CARS1: variants seen among roughly 807,000 people sequenced by gnomAD.
CARS1 encodes cysteinyl-tRNA synthetase 1.
In CARS1, 48 loss-of-function variants were observed where a neutral mutation model predicts 106.2. The observed-to-expected ratio is 0.45, with a 90% CI of 0.36 to 0.57. CARS1 has a LOEUF of 0.57. Ranked by LOEUF, CARS1 falls within the 20% of genes least tolerant of loss-of-function variation. CARS1 has a pLI of 0.00. For missense variants in CARS1, 968 were observed against 1,057.2 expected (o/e 0.92, Z 1.17); for synonymous variants, 409 against 403.4 (o/e 1.01, Z -0.17).
rs4758459 is a variant in CARS1, at chr11:3,017,489, T to A, written c.1728-194A>T. On this transcript the variant is annotated intron_variant, in intron 15 of 22. Coordinates refer to ENST00000380525, the MANE Select transcript of CARS1 (RefSeq NM_001014437.3). The surrounding 1 kb of genome is among the most constrained non-coding windows in gnomAD (Gnocchi z 4.9). ...GAGACCCCCACCTCTACTAAAAATC[T>A]GAAATTAGCCAGGTATGGTGGCGCA... The A allele has an allele frequency of 0.81, 466,617 of 578,772 alleles. 188,530 individuals are homozygous for A. The highest frequency in any genetic ancestry group is 0.89 in the East Asian group (31,679 of 35,550). The allele number at this position is 578,772 out of a possible 1,614,324, so 35.9% of individuals were successfully genotyped here.
chr11:3,057,281 G>A (rs1195764223), intron 1 of CARS1, 62 bp downstream of exon 1: 4 of 1,466,364 alleles, frequency 2.7e-6, no homozygotes, highest in Non-Finnish European at 3.8e-6. Flanking sequence ...CCTTCGAGCC[G>A]AGCACCCAGC....
rs781761299 is a variant in CARS1, at chr11:3,015,812, A to T, written c.1955T>A (p.Phe652Tyr). ...GAVEEDSSLG[F>Y]PVGGPGTSLS... ...GCTGGTTCCAGGCCCTCCGACCGGG[A>T]ATCCCAGGGAGCTGTCCTCTTCTAC... Residue 652 changes from phenylalanine (F) to tyrosine (Y), a missense_variant, in exon 17 of 23, where the codon TTC becomes TAC. Coordinates refer to ENST00000380525, the MANE Select transcript of CARS1 (RefSeq NM_001014437.3). 318 of 1,614,168 alleles carry T rather than the reference A, an allele frequency of 2.0e-4. 1 individual carries two copies. The Middle Eastern group carries it at 9.7e-3, about 49-fold the overall frequency.
chr11:3,039,777 T>C lies in CARS1; in HGVS notation c.552+58A>G, dbSNP rs1161855479. On this transcript the variant is annotated intron_variant, in intron 5 of 22. Coordinates refer to ENST00000380525, the MANE Select transcript of CARS1 (RefSeq NM_001014437.3). This position sits in a 1 kb window ranked among gnomAD's most constrained non-coding sequence, Gnocchi z 5.6. ...ACATTATTTACTTATGCGAAAGTTC[T>C]ATCTTCTTTTACACCATCCAATTGC... The C allele has an allele frequency of 2.3e-6, 2 of 858,922 alleles. No individual in the cohort carries two copies. The highest frequency in any genetic ancestry group is 1.8e-6 in the Non-Finnish European group (1 of 545,170). The allele number at this position is 858,922 out of a possible 1,614,324, so 53.2% of individuals were successfully genotyped here.
Position 3,028,650 on chromosome 11 carries a change from A to G in CARS1, c.1031+346T>C, listed in dbSNP as rs1852368522. 2.9e-6 allele frequency: 1 copy of G among 343,510 alleles called. No individual in the cohort carries two copies. Among genetic ancestry groups the G allele is most frequent in the East Asian group, 5.2e-5 (1 of 19,320 alleles). The allele number at this position is 343,510 out of a possible 1,614,324, so 21.3% of individuals were successfully genotyped here. A position where few individuals can be genotyped will look rare whatever the true frequency, so the allele number is the denominator to read the frequency against. On this transcript the variant is annotated intron_variant, in intron 9 of 22. Transcript: ENST00000380525. The surrounding 1 kb of genome is among the most constrained non-coding windows in gnomAD (Gnocchi z 4.4). ...TTCGGGATATGACACCAGGACTAGC[A>G]CTCTCAAAATGTCTACGCAATGGCA...
At position 3,037,740 on chromosome 11, in the gene CARS1, A is replaced by G. The variant is rs1360223409; in HGVS notation, c.801+310T>C. ...GGAGAATCTTGGAACACTTCGACAGAAGGCTGCCTCCCCACGTTCCAAGTG... is the reference window on the plus strand; with the variant it reads ...GGAGAATCTTGGAACACTTCGACAGGAGGCTGCCTCCCCACGTTCCAAGTG... On this transcript the variant is annotated intron_variant, in intron 7 of 22. Coordinates refer to ENST00000380525, the MANE Select transcript of CARS1 (RefSeq NM_001014437.3). The surrounding 1 kb of genome is among the most constrained non-coding windows in gnomAD (Gnocchi z 5.9). Among the ~76,000 whole-genome samples the G allele has an allele frequency of 1.3e-5, 2 of 152,138 alleles. No individual in the cohort carries two copies. The highest frequency in any genetic ancestry group is 4.8e-5 in the African/African-American group (2 of 41,436).
At position 3,021,972 on chromosome 11, in the gene CARS1, A is replaced by C. The variant is rs1851609496; in HGVS notation, c.1154-1640T>G. On this transcript the variant is annotated intron_variant, in intron 10 of 22. Coordinates refer to ENST00000380525, the MANE Select transcript of CARS1 (RefSeq NM_001014437.3). This position sits in a 1 kb window ranked among gnomAD's most constrained non-coding sequence, Gnocchi z 5.3. ...TCTGATTTTTTAAAAATACGCTTTGAAAAAATTGATAACAGAGAACACAGG... is the reference window on the plus strand; with the variant it reads ...TCTGATTTTTTAAAAATACGCTTTGCAAAAATTGATAACAGAGAACACAGG... Among the ~76,000 whole-genome samples the C allele has an allele frequency of 6.6e-6, 1 of 152,208 alleles. No individual in the cohort carries two copies. The highest frequency in any genetic ancestry group is 2.4e-5 in the African/African-American group (1 of 41,450).
intron 1 of CARS1, 81 bp downstream of exon 1, chr11:3,057,262 A>G (rs1856310327): frequency 1.6e-6 from 2 of 1,241,654 alleles, no homozygotes; most frequent in African/African-American, 3.0e-5. Context: ...AGACATAAGG[A>G]CTCGCTGCCC....
At position 3,028,623 on chromosome 11, in the gene CARS1, C is replaced by T; in HGVS notation, c.1031+373G>A. ...GATAGATGCTGATGAAATGCATCCT[C>T]CTTCGGGATATGACACCAGGACTAG... On this transcript the variant is annotated intron_variant, in intron 9 of 22. Coordinates refer to ENST00000380525, the MANE Select transcript of CARS1 (RefSeq NM_001014437.3). This position sits in a 1 kb window ranked among gnomAD's most constrained non-coding sequence, Gnocchi z 4.4. The T allele has an allele frequency of 3.3e-6, 1 of 300,920 alleles. No homozygotes were observed. The highest frequency in any genetic ancestry group is 6.1e-6 in the Non-Finnish European group (1 of 164,788). The allele number at this position is 300,920 out of a possible 1,614,324, so 18.6% of individuals were successfully genotyped here.
In CARS1 at chr11:3,034,267, C is replaced by G. The variant is rs1482826919; in HGVS notation, c.801+3783G>C. On this transcript the variant is annotated intron_variant, in intron 7 of 22. Transcript: ENST00000380525. This position sits in a 1 kb window ranked among gnomAD's most constrained non-coding sequence, Gnocchi z 6.3. ...AGACAGTCTCACTCTGTTTCCCAGG[C>G]TGGAATGCAGTGGCGTGATCTCGGC... Among the ~76,000 whole-genome samples the G allele has an allele frequency of 1.3e-5, 2 of 152,110 alleles. No individual in the cohort carries two copies. Among genetic ancestry groups the G allele is most frequent in the Admixed American group, 1.3e-4 (2 of 15,276 alleles).
Position 3,003,758 on chromosome 11 carries a change from TC to T in CARS1, c.2218-1159del, listed in dbSNP as rs1285256867. ...CACAGTGCTCAGGATTTCTGCTTTT[TC>T]CCTTTAAAAGTTAGTATGTGTTTAT... On this transcript the variant is annotated intron_variant, in intron 20 of 22. Coordinates refer to ENST00000380525, the MANE Select transcript of CARS1 (RefSeq NM_001014437.3). This position sits in a 1 kb window ranked among gnomAD's most constrained non-coding sequence, Gnocchi z 4.8. Among the ~76,000 whole-genome samples the T allele has an allele frequency of 6.6e-6, 1 of 152,164 alleles. No individual in the cohort carries two copies. The highest frequency in any genetic ancestry group is 2.4e-5 in the African/African-American group (1 of 41,438).
At chr11:3,016,524 G>T (rs1329133570) in intron 16 of CARS1, among the ~76,000 whole-genome samples, 1 of 152,038 alleles carries the variant, frequency 6.6e-6, no homozygotes, top group Non-Finnish European at 1.5e-5. Flanking sequence ...CGCCTGGCGT[G>T]GTTTTGCTTT....
At position 3,029,202 on chromosome 11, in the gene CARS1, T is replaced by C; in HGVS notation, c.942+101A>G. On this transcript the variant is annotated intron_variant, in intron 8 of 22. Transcript: ENST00000380525. The surrounding 1 kb of genome is among the most constrained non-coding windows in gnomAD (Gnocchi z 5.9). Reference sequence around the variant, plus strand: ...TATGCCCCTCAACTCAAGTTCAATGTTGACTTGGCCGCTTAATTGAGCTGG... The same window carrying C: ...TATGCCCCTCAACTCAAGTTCAATGCTGACTTGGCCGCTTAATTGAGCTGG... The C allele has an allele frequency of 6.7e-7, 1 of 1,488,192 alleles. No individual in the cohort carries two copies. The highest frequency in any genetic ancestry group is 9.3e-7 in the Non-Finnish European group (1 of 1,070,036). The allele number at this position is 1,488,192 out of a possible 1,614,324, so 92.2% of individuals were successfully genotyped here. A position where few individuals can be genotyped will look rare whatever the true frequency, so the allele number is the denominator to read the frequency against.
rs1172165566 is a variant in CARS1, at chr11:3,004,951, T to C, written c.2217+415A>G. Among the ~76,000 whole-genome samples, 1 of 151,852 alleles carries C rather than the reference T, an allele frequency of 6.6e-6. No homozygotes were observed. The highest frequency in any genetic ancestry group is 1.5e-5 in the Non-Finnish European group (1 of 67,954). Reference sequence around the variant, plus strand: ...TGAAACCCCATCTCTACTAAAAAAATACAAAAATTAGCTGGGCACAGTGGT... The same window carrying C: ...TGAAACCCCATCTCTACTAAAAAAACACAAAAATTAGCTGGGCACAGTGGT... On this transcript the variant is annotated intron_variant, in intron 20 of 22. Coordinates refer to ENST00000380525, the MANE Select transcript of CARS1 (RefSeq NM_001014437.3). The surrounding 1 kb of genome is among the most constrained non-coding windows in gnomAD (Gnocchi z 5.2).
At chr11:3,006,723 C>T (rs369225234) in intron 19 of CARS1, among the ~76,000 whole-genome samples, 156 bp downstream of exon 19, 6 of 152,314 alleles carry the variant, frequency 3.9e-5, no homozygotes, top group African/African-American at 1.2e-4. Context: ...GGCTGGCCAG[C>T]GTGGGAATGG....
Position 3,048,048 on chromosome 11 carries a change from C to T in CARS1, c.26-47G>A. 6.3e-7 allele frequency: 1 copy of T among 1,591,384 alleles called. No homozygotes were observed. Among genetic ancestry groups the T allele is most frequent in the Non-Finnish European group, 8.6e-7 (1 of 1,166,328 alleles). On this transcript the variant is annotated intron_variant, in intron 1 of 22. Transcript: ENST00000380525. The surrounding 1 kb of genome is among the most constrained non-coding windows in gnomAD (Gnocchi z 5.1). ...GGTGTCAGGCAGGCAGGCGGGCAGC[C>T]CAGAGGCCGCCAGAAAGACAGGGAC...
In CARS1 at chr11:3,029,074, G is replaced by A; in HGVS notation, c.953C>T (p.Pro318Leu). 6.2e-7 allele frequency: 1 copy of A among 1,612,074 alleles called. No homozygotes were observed. The highest frequency in any genetic ancestry group is 8.5e-7 in the Non-Finnish European group (1 of 1,178,138). Residue 318 changes from proline (P) to leucine (L), a missense_variant, in exon 9 of 23, where the codon CCA becomes CTA. Transcript: ENST00000380525. This position sits in a 1 kb window ranked among gnomAD's most constrained non-coding sequence, Gnocchi z 5.9. Reference sequence around the variant, plus strand: ...CTCACTAACCCGGGTTAAGACATCTGGAGGGAGAACCTGTGCAAGACATGA... The same window carrying A: ...CTCACTAACCCGGGTTAAGACATCTAGAGGGAGAACCTGTGCAAGACATGA... The part of the protein sequence containing the change: ...RDMEALNVLP[P>L]DVLTRVSEYV...
In CARS1 at chr11:3,029,207, T is replaced by G. The variant is rs1852433654; in HGVS notation, c.942+96A>C. The G allele has an allele frequency of 6.7e-7, 1 of 1,494,078 alleles. No individual in the cohort carries two copies. The highest frequency in any genetic ancestry group is 1.7e-5 in the Admixed American group (1 of 58,246). 92.6% of individuals were successfully genotyped at this position (1,494,078 alleles called of 1,614,324 possible). ...CCCTCAACTCAAGTTCAATGTTGACTTGGCCGCTTAATTGAGCTGGCCTTG... is the reference window on the plus strand; with the variant it reads ...CCCTCAACTCAAGTTCAATGTTGACGTGGCCGCTTAATTGAGCTGGCCTTG... On this transcript the variant is annotated intron_variant, in intron 8 of 22. Coordinates refer to ENST00000380525, the MANE Select transcript of CARS1 (RefSeq NM_001014437.3). This position sits in a 1 kb window ranked among gnomAD's most constrained non-coding sequence, Gnocchi z 5.9.
In CARS1 at chr11:3,037,770, TCCTGC is replaced by T; in HGVS notation, c.801+275_801+279del. ...TGCCTCCCCACGTTCCAAGTGCACC[TCCTGC>T]CTATCTGATGGAAGTGGTGGGAGGG... On this transcript the variant is annotated intron_variant, in intron 7 of 22. Coordinates refer to ENST00000380525, the MANE Select transcript of CARS1 (RefSeq NM_001014437.3). This position sits in a 1 kb window ranked among gnomAD's most constrained non-coding sequence, Gnocchi z 5.9. Among the ~76,000 whole-genome samples the T allele has an allele frequency of 6.6e-6, 1 of 152,166 alleles. No individual in the cohort carries two copies. The highest frequency in any genetic ancestry group is 2.1e-4 in the South Asian group (1 of 4,820).
In CARS1 at chr11:3,038,372, G is replaced by A. The variant is rs1326272206; in HGVS notation, c.652-173C>T. Among the ~76,000 whole-genome samples the A allele has an allele frequency of 6.6e-6, 1 of 152,172 alleles. No individual in the cohort carries two copies. The highest frequency in any genetic ancestry group is 2.4e-5 in the African/African-American group (1 of 41,424). On this transcript the variant is annotated intron_variant, in intron 6 of 22. Transcript: ENST00000380525. The surrounding 1 kb of genome is among the most constrained non-coding windows in gnomAD (Gnocchi z 4.0). ...GGAACTAAGAGAGACTGAAGCTCCC[G>A]GCTCAGGAGCTCCTGGTTCTGCCCT...
Sources: allele counts gnomAD v4.1 joint callset (sites outside exome capture counted in the v4.1 genomes callset), GRCh38; gene constraint gnomAD v4.1.1; non-coding constraint Gnocchi (gnomAD v3.1); transcripts MANE v1.5; gene names NCBI Gene and HGNC (gene_info 2026-07-23, HGNC 2026-07-21).